The following CRB1 variants were observed in gnomAD, a reference collection of about 807,000 sequenced individuals.
CRB1 encodes crumbs cell polarity complex component 1, also known as protein crumbs homolog 1.
CRB1 carries 83 observed loss-of-function variants against 120.0 expected under a neutral mutation model. The ratio of observed to expected loss-of-function variants is 0.69; its 90% CI spans 0.58 to 0.83. The LOEUF (loss-of-function observed/expected upper bound fraction) is 0.83. Among genes scored for constraint, CRB1 ranks in the 40% least tolerant of loss-of-function variants. The pLI is 0.00. For synonymous variants in CRB1, 625 were observed against 612.5 expected, an observed-to-expected ratio of 1.02 and a Z score of -0.30; for missense variants, 1,699 against 1,687.6, an observed-to-expected ratio of 1.01 and a Z score of -0.12.
intron 10 of CRB1, chr1:197,439,866 G>C (rs1665348170): frequency 6.6e-6 from 1 of 152,088 alleles, no homozygotes; most frequent in African/African-American, 2.4e-5. Context: ...CAAAGACACA[G>C]GTCTTTTGCC....
At chr1:197,260,778 C>T in the CRB1 span, among the ~76,000 whole-genome samples, 1 of 151,624 alleles carries the variant, frequency 6.6e-6, no homozygotes, top group Admixed American at 6.6e-5. Flanking sequence ...CTCACTGCAA[C>T]CTCCGCCTCC....
intron 1 of CRB1, among the ~76,000 whole-genome samples, chr1:197,275,641 T>C (rs1655161258): frequency 6.6e-6 from 1 of 152,034 alleles, no homozygotes; most frequent in Non-Finnish European, 1.5e-5. Context: ...TGAAATTAAC[T>C]TAGAGTCTGA....
At chr1:197,295,368 G>T (rs994425362) in intron 1 of CRB1, among the ~76,000 whole-genome samples, 4 of 152,010 alleles carry the variant, frequency 2.6e-5, no homozygotes, top group Admixed American at 2.6e-4. Context: ...GCAGGCAAGA[G>T]CAAGGGTCAG....
intron 2 of CRB1, among the ~76,000 whole-genome samples, chr1:197,334,515 C>T (rs906785546): frequency 1.1e-4 from 16 of 152,134 alleles, no homozygotes; most frequent in Non-Finnish European, 1.6e-4. Flanking sequence ...CCCTTCCACT[C>T]TTATGCCATG....
chr1:197,215,428 C>T, the CRB1 span, among the ~76,000 whole-genome samples: 27 of 152,132 alleles, frequency 1.8e-4, no homozygotes, highest in African/African-American at 6.5e-4. Context: ...TAGGCATGCA[C>T]CACCATGCCC....
chr1:197,426,593 G>A (rs1012196066), intron 6 of CRB1, among the ~76,000 whole-genome samples: 3 of 151,954 alleles, frequency 2.0e-5, no homozygotes, highest in African/African-American at 7.3e-5. Flanking sequence ...TTTTCTTGAG[G>A]TGATGCACAT....
intron 1 of CRB1, among the ~76,000 whole-genome samples, chr1:197,308,396 A>C (rs1286020101): frequency 1.3e-5 from 2 of 152,168 alleles, no homozygotes; most frequent in Admixed American, 1.3e-4. Context: ...ACAAACCTGC[A>C]CATGTACTCC....
chr1:197,454,196 A>G (rs1666169852), intron 11 of CRB1, among the ~76,000 whole-genome samples: 1 of 151,610 alleles, frequency 6.6e-6, no homozygotes, highest in South Asian at 2.1e-4. Context: ...GCCTACAGAT[A>G]ATAATACTGT....
At chr1:197,295,957 T>C (rs1263798347) in intron 1 of CRB1, among the ~76,000 whole-genome samples, 3 of 140,292 alleles carry the variant, frequency 2.1e-5, no homozygotes, top group African/African-American at 8.0e-5. Flanking sequence ...GATAGCATCT[T>C]AACTCTTCTA....
chr1:197,350,125 C>A (rs921841365), intron 4 of CRB1, among the ~76,000 whole-genome samples: 2 of 144,096 alleles, frequency 1.4e-5, no homozygotes, highest in African/African-American at 5.5e-5. Flanking sequence ...AAAAAAAAAA[C>A]CTGAAAATTT....
intron 6 of CRB1, among the ~76,000 whole-genome samples, chr1:197,422,192 CAGAT>C (rs1472183099): frequency 6.6e-6 from 1 of 152,088 alleles, no homozygotes; most frequent in Non-Finnish European, 1.5e-5. Flanking sequence ...AAAAAATAAG[CAGAT>C]AGCTCTTTTC....
At chr1:197,221,458 G>C in the CRB1 span, among the ~76,000 whole-genome samples, 1 of 152,160 alleles carries the variant, frequency 6.6e-6, no homozygotes, top group Non-Finnish European at 1.5e-5. Flanking sequence ...CCTCAGACTG[G>C]AGTGAAAAAT....
chr1:197,355,028 C>G (rs554696137), intron 4 of CRB1, among the ~76,000 whole-genome samples: 25 of 151,904 alleles, frequency 1.6e-4, no homozygotes, highest in African/African-American at 6.0e-4. Context: ...CATAAAGATT[C>G]TCCAAGTCCC....
At chr1:197,279,014 G>A (rs576045276) in intron 1 of CRB1, among the ~76,000 whole-genome samples, 3 of 151,566 alleles carry the variant, frequency 2.0e-5, no homozygotes, top group South Asian at 2.1e-4. Context: ...ATTTTATTCC[G>A]AAAAATAAAA....
chr1:197,317,508 G>T (rs988331660), intron 1 of CRB1, among the ~76,000 whole-genome samples: 7 of 152,090 alleles, frequency 4.6e-5, no homozygotes, highest in African/African-American at 1.7e-4. Flanking sequence ...TAAAATTTGT[G>T]TGCAACCACA....
At chr1:197,279,103 G>A (rs1229907767) in intron 1 of CRB1, among the ~76,000 whole-genome samples, 4 of 151,880 alleles carry the variant, frequency 2.6e-5, no homozygotes, top group African/African-American at 9.7e-5. Context: ...CCTAATGAAA[G>A]TAGTTATATT....
At chr1:197,364,666 A>G (rs1054413795) in intron 5 of CRB1, among the ~76,000 whole-genome samples, 1 of 145,590 alleles carries the variant, frequency 6.9e-6, no homozygotes, top group African/African-American at 2.6e-5. Flanking sequence ...TTTGTCTCCC[A>G]TCTAGTATTG....
intron 1 of CRB1, among the ~76,000 whole-genome samples, chr1:197,301,253 C>T (rs543766368): frequency 4.4e-4 from 67 of 152,064 alleles, no homozygotes; most frequent in African/African-American, 1.5e-3. Flanking sequence ...GCAACCTCTG[C>T]CTGCTGGGTT....
chr1:197,261,887 CT>C, the CRB1 span, among the ~76,000 whole-genome samples: 2 of 152,122 alleles, frequency 1.3e-5, no homozygotes, highest in African/African-American at 4.8e-5. Flanking sequence ...TTAATTTAAT[CT>C]ACTTTGTGGA....
Sources: allele counts gnomAD v4.1 joint callset (sites outside exome capture counted in the v4.1 genomes callset), GRCh38; gene constraint gnomAD v4.1.1; transcripts MANE v1.5; gene names NCBI Gene and HGNC (gene_info 2026-07-23, HGNC 2026-07-21).